The following SPOCK1 variants were observed in gnomAD, a reference collection of about 807,000 sequenced individuals.
SPOCK1 encodes the protein testican-1.
A neutral mutation model predicts 55.3 loss-of-function variants in SPOCK1; 23 were observed. That is an observed-to-expected ratio of 0.42 (90% CI 0.30 to 0.59). The LOEUF (loss-of-function observed/expected upper bound fraction) is 0.59. SPOCK1 is among the 20% of genes least tolerant of loss of function. SPOCK1 has a pLI of 0.22. For missense variants in SPOCK1, 499 were observed against 552.5 expected (o/e 0.90, Z 0.97); for synonymous variants, 226 against 221.0 (o/e 1.02, Z -0.20).
intron 3 of SPOCK1, among the ~76,000 whole-genome samples, chr5:137,153,092 A>G (rs548299661): frequency 6.6e-6 from 1 of 152,338 alleles, no homozygotes; most frequent in Non-Finnish European, 1.5e-5. Context: ...GGGTTCAATA[A>G]CTATTGCTGA....
chr5:137,283,406 A>G (rs1757201898), intron 2 of SPOCK1, among the ~76,000 whole-genome samples: 1 of 152,192 alleles, frequency 6.6e-6, no homozygotes, highest in Admixed American at 6.5e-5. Flanking sequence ...AAGGATGGAA[A>G]GTGAGGACAC....
chr5:137,092,482 C>A (rs1474534354), intron 5 of SPOCK1, among the ~76,000 whole-genome samples: 1 of 152,210 alleles, frequency 6.6e-6, no homozygotes, highest in Non-Finnish European at 1.5e-5. Flanking sequence ...TTATGTAACT[C>A]TGTCATTACC....
intron 2 of SPOCK1, among the ~76,000 whole-genome samples, chr5:137,342,333 T>G (rs1392160442): frequency 6.6e-6 from 1 of 152,238 alleles, no homozygotes; most frequent in Non-Finnish European, 1.5e-5. Context: ...GAAAGGTATT[T>G]TATTCTTTAT....
At chr5:137,384,001 C>T (rs1427671822) in intron 2 of SPOCK1, among the ~76,000 whole-genome samples, 2 of 152,216 alleles carry the variant, frequency 1.3e-5, no homozygotes, top group African/African-American at 2.4e-5. Context: ...CTGCTTCCTG[C>T]TATGTCCACA....
At chr5:137,162,209 C>A (rs1348313889) in intron 3 of SPOCK1, among the ~76,000 whole-genome samples, 1 of 148,458 alleles carries the variant, frequency 6.7e-6, no homozygotes, top group African/African-American at 2.5e-5. Flanking sequence ...GGGATCTCGG[C>A]TCACTGCAAC....
At chr5:137,170,662 A>C (rs1206228828) in intron 3 of SPOCK1, among the ~76,000 whole-genome samples, 2 of 151,938 alleles carry the variant, frequency 1.3e-5, no homozygotes. Flanking sequence ...CACTGTAAGA[A>C]GGCAAGTTGC....
intron 2 of SPOCK1, among the ~76,000 whole-genome samples, chr5:137,350,174 T>A (rs1385950042): frequency 6.6e-6 from 1 of 152,096 alleles, no homozygotes; most frequent in African/African-American, 2.4e-5. Flanking sequence ...GGAATGAGAC[T>A]GCCCCCCAGA....
intron 5 of SPOCK1, among the ~76,000 whole-genome samples, chr5:137,102,460 C>T (rs954852028): frequency 4.6e-5 from 7 of 152,048 alleles, no homozygotes; most frequent in African/African-American, 1.2e-4. Flanking sequence ...TGGAAAGAAA[C>T]GGAGTGGTGG....
chr5:137,497,227 G>C (rs992656703), intron 2 of SPOCK1, among the ~76,000 whole-genome samples: 1 of 152,140 alleles, frequency 6.6e-6, no homozygotes, highest in Non-Finnish European at 1.5e-5. Flanking sequence ...AACCATGCCC[G>C]GGGACATTAA....
At chr5:137,177,181 G>T (rs1421256410) in intron 3 of SPOCK1, among the ~76,000 whole-genome samples, 2 of 152,108 alleles carry the variant, frequency 1.3e-5, no homozygotes, top group African/African-American at 4.8e-5. Flanking sequence ...ATGAATGCTG[G>T]GTGTACTTTT....
At chr5:137,361,029 G>C (rs1203467237) in intron 2 of SPOCK1, among the ~76,000 whole-genome samples, 1 of 152,186 alleles carries the variant, frequency 6.6e-6, no homozygotes, top group East Asian at 1.9e-4. Context: ...GAGGTAATTA[G>C]GTTTAGATGA....
intron 6 of SPOCK1, among the ~76,000 whole-genome samples, chr5:137,041,246 A>G (rs953135084): frequency 1.3e-5 from 2 of 152,232 alleles, no homozygotes; most frequent in African/African-American, 4.8e-5. Context: ...TCATTTCAAT[A>G]AACTGTGCTG....
chr5:137,281,011 A>G (rs1191381754), intron 2 of SPOCK1, among the ~76,000 whole-genome samples: 2 of 152,144 alleles, frequency 1.3e-5, no homozygotes, highest in African/African-American at 4.8e-5. Flanking sequence ...AAAAATCAAA[A>G]TGGTAAAGAT....
intron 3 of SPOCK1, among the ~76,000 whole-genome samples, chr5:137,191,660 C>A (rs116796705): frequency 0.022 from 3,314 of 152,240 alleles, 124 homozygotes; most frequent in African/African-American, 0.076. Context: ...TCAGGTAAAA[C>A]AGGCTTGGAG....
chr5:137,440,601 C>A, intron 2 of SPOCK1, among the ~76,000 whole-genome samples: 1 of 152,376 alleles, frequency 6.6e-6, no homozygotes, highest in East Asian at 1.9e-4. Context: ...ACCTTTGCTA[C>A]GAGCAATCAT....
chr5:137,413,689 T>C (rs1318081943), intron 2 of SPOCK1, among the ~76,000 whole-genome samples: 1 of 152,222 alleles, frequency 6.6e-6, no homozygotes, highest in Non-Finnish European at 1.5e-5. Context: ...CCATGCCCTA[T>C]GTCACATCAG....
At chr5:137,437,072 A>C (rs1561535535) in intron 2 of SPOCK1, among the ~76,000 whole-genome samples, 1 of 152,240 alleles carries the variant, frequency 6.6e-6, no homozygotes, top group South Asian at 2.1e-4. Context: ...TTGTTCTTTC[A>C]TGCTCAGTGC....
chr5:136,985,215 T>G lies in SPOCK1; in HGVS notation c.929-13A>C. 6.2e-7 allele frequency: 1 copy of G among 1,613,754 alleles called. No homozygotes were observed. The highest frequency in any genetic ancestry group is 8.5e-7 in the Non-Finnish European group (1 of 1,179,648). On this transcript the variant is annotated splice_polypyrimidine_tract_variant and intron_variant, in intron 8 of 10. Coordinates refer to ENST00000394945, the MANE Select transcript of SPOCK1 (RefSeq NM_004598.4). Reference sequence around the variant, plus strand: ...TGGCAAGGGAGACCTAAAAAATAATTTCTGAAAGTCAGCTTCCAGATGGTA... The same window carrying G: ...TGGCAAGGGAGACCTAAAAAATAATGTCTGAAAGTCAGCTTCCAGATGGTA...
chr5:137,290,276 G>T (rs1428247219), intron 2 of SPOCK1, among the ~76,000 whole-genome samples: 1 of 152,110 alleles, frequency 6.6e-6, no homozygotes, highest in Non-Finnish European at 1.5e-5. Flanking sequence ...AAAAAAAATT[G>T]CTATGCATTA....
Sources: allele counts gnomAD v4.1 joint callset (sites outside exome capture counted in the v4.1 genomes callset), GRCh38; gene constraint gnomAD v4.1.1; transcripts MANE v1.5; gene names NCBI Gene and HGNC (gene_info 2026-07-23, HGNC 2026-07-21).